Variants in PUDP observed in about 807,000 individuals in gnomAD.
PUDP encodes pseudouridine 5'-phosphatase.
In PUDP, 8 loss-of-function variants were observed where a neutral mutation model predicts 9.4. The observed-to-expected ratio is 0.85, with a 90% confidence interval of 0.50 to 1.53. PUDP has a LOEUF of 1.53. Among genes scored for constraint, PUDP ranks in the 40% most tolerant of loss-of-function variants. The pLI is 0.00. For missense variants in PUDP, 188 were observed against 189.7 expected (o/e 0.99, Z 0.05); for synonymous variants, 99 against 80.7 (o/e 1.23, Z -1.22).
chrX:6,760,202 C>G (rs1925214520), intron 3 of PUDP, among the ~76,000 whole-genome samples: 1 of 111,721 alleles, frequency 9.0e-6, no homozygotes, highest in South Asian at 3.8e-4. Flanking sequence ...TCAGCTGTCC[C>G]TCTTTTCTCA....
intron 3 of PUDP, among the ~76,000 whole-genome samples, chrX:6,790,352 G>A (rs909515439): frequency 4.5e-5 from 5 of 111,943 alleles, no homozygotes; most frequent in Admixed American, 3.8e-4. Flanking sequence ...AACAGTCCAG[G>A]TATCCATCAA....
At chrX:6,970,540 A>G (rs1447420377) in intron 3 of PUDP, among the ~76,000 whole-genome samples, 2 of 111,292 alleles carry the variant, frequency 1.8e-5, no homozygotes, top group African/African-American at 6.5e-5. Context: ...ATTTGGCCAT[A>G]AGCATTGAGC....
intron 1 of PUDP, 143 bp from the exon 2 acceptor site, chrX:7,105,981 T>C: frequency 2.3e-6 from 1 of 432,048 alleles, no homozygotes; most frequent in Non-Finnish European, 3.9e-6. Flanking sequence ...GGAGAAAGGC[T>C]TGCAGGTCAT....
At chrX:7,124,809 G>A (rs753912012) in intron 1 of PUDP, among the ~76,000 whole-genome samples, 7 of 109,531 alleles carry the variant, frequency 6.4e-5, no homozygotes, top group Non-Finnish European at 9.5e-5. Context: ...TTAGCCAGGC[G>A]TGGTGGCGGG....
chrX:7,055,634 A>G (rs762296123), intron 3 of PUDP, among the ~76,000 whole-genome samples: 2 of 111,503 alleles, frequency 1.8e-5, no homozygotes, highest in South Asian at 7.6e-4. Context: ...CACACCTACA[A>G]GAAAAGTACC....
chrX:7,142,884 C>CA (rs1420493900), intron 1 of PUDP, among the ~76,000 whole-genome samples: 1 of 110,972 alleles, frequency 9.0e-6, no homozygotes, highest in Non-Finnish European at 1.9e-5. Flanking sequence ...CTCCTGACCT[C>CA]AAGTGATCTG....
chrX:6,841,718 AGTT>A lies in PUDP; in HGVS notation c.*248-135255_*248-135253del, dbSNP rs1926673744. Reference sequence around the variant, plus strand: ...ATGTGCATAAATGCTTGAAATCCACAGTTAAAGATGACTTGCAGTCTTATCAAC... The same window carrying A: ...ATGTGCATAAATGCTTGAAATCCACAAAAGATGACTTGCAGTCTTATCAAC... On this transcript the variant is annotated intron_variant and NMD_transcript_variant, in intron 3 of 3. Coordinates refer to the PUDP transcript ENST00000655425. Among the ~76,000 whole-genome samples, 3 of 112,571 alleles carry A rather than the reference AGTT, an allele frequency of 2.7e-5. No homozygotes were observed. The Admixed American group carries it at 2.8e-4, about 11-fold the overall frequency.
rs1932212271 is a variant in PUDP, at chrX:7,116,960, G to A, written c.62-11122C>T. The A allele has an allele frequency of 4.3e-6, 5 of 1,164,257 alleles. No homozygotes were observed. In the South Asian group the frequency reaches 5.7e-5, roughly 13 times the overall value. ...TTTGCCATGTTACATGCCTGCTCCT[G>A]CTTACCCGTCCACCGTGATTGTAAG... On this transcript the variant is annotated intron_variant, in intron 1 of 3. Coordinates refer to ENST00000381077, the MANE Select transcript of PUDP (RefSeq NM_012080.5).
intron 3 of PUDP, among the ~76,000 whole-genome samples, chrX:6,911,443 G>A (rs1355519668): frequency 9.0e-6 from 1 of 111,132 alleles, no homozygotes; most frequent in Non-Finnish European, 1.9e-5. Context: ...ATCCGCCCAC[G>A]TCAGCCTTCC....
intron 3 of PUDP, among the ~76,000 whole-genome samples, chrX:6,932,635 G>A (rs1206278914): frequency 4.1e-5 from 3 of 73,733 alleles, no homozygotes; most frequent in South Asian, 5.9e-4. Context: ...CAGTGGGTGC[G>A]CGCACCGTGC....
chrX:6,933,487 A>G (rs1928239894), intron 3 of PUDP, among the ~76,000 whole-genome samples: 2 of 109,994 alleles, frequency 1.8e-5, no homozygotes, highest in Non-Finnish European at 3.8e-5. Flanking sequence ...CCATCTGTAC[A>G]TCACCATCAT....
At chrX:6,802,817 G>A (rs764881834) in intron 3 of PUDP, among the ~76,000 whole-genome samples, 4 of 108,145 alleles carry the variant, frequency 3.7e-5, no homozygotes, top group East Asian at 2.9e-4. Context: ...CCTGGGAGGC[G>A]GAAGTTGCAG....
At chrX:6,757,345 T>A (rs372259731) in intron 3 of PUDP, among the ~76,000 whole-genome samples, 3 of 110,233 alleles carry the variant, frequency 2.7e-5, no homozygotes, top group African/African-American at 3.3e-5. Context: ...GTTAAGGGAA[T>A]CCATAGTGCT....
At chrX:7,054,303 T>C (rs886928304) in intron 3 of PUDP, among the ~76,000 whole-genome samples, 1 of 110,274 alleles carries the variant, frequency 9.1e-6, no homozygotes, top group African/African-American at 3.3e-5. Flanking sequence ...CCAGCTACTC[T>C]GGAAGCTAAG....
At chrX:7,071,845 C>T (rs1930743068) in intron 3 of PUDP, among the ~76,000 whole-genome samples, 1 of 108,790 alleles carries the variant, frequency 9.2e-6, no homozygotes, top group Admixed American at 9.8e-5. Context: ...GGCATGATCT[C>T]GGCTCACTGA....
At chrX:7,033,377 G>A (rs937240082) in intron 1 of PUDP, among the ~76,000 whole-genome samples, 48 of 111,903 alleles carry the variant, frequency 4.3e-4, no homozygotes, top group African/African-American at 1.5e-3. Context: ...AGAGAACCTT[G>A]AGTAATGCAG....
At chrX:6,788,292 C>T (rs772434099) in intron 3 of PUDP, among the ~76,000 whole-genome samples, 4 of 112,248 alleles carry the variant, frequency 3.6e-5, no homozygotes, top group Non-Finnish European at 7.5e-5. Flanking sequence ...AAATGTAAGT[C>T]TTCTGAGCAA....
intron 3 of PUDP, among the ~76,000 whole-genome samples, chrX:6,933,999 C>G (rs1234059607): frequency 2.0e-5 from 2 of 102,378 alleles, no homozygotes; most frequent in Admixed American, 2.2e-4. Context: ...ACCAAATCTA[C>G]GTCTGATTGG....
intron 3 of PUDP, among the ~76,000 whole-genome samples, chrX:6,776,875 T>A (rs762477033): frequency 8.9e-6 from 1 of 112,505 alleles, no homozygotes; most frequent in Non-Finnish European, 1.9e-5. Context: ...TAATACTCCA[T>A]GAATACTCTT....
Sources: gnomAD v4.1 joint callset for allele counts (sites outside exome capture counted in the v4.1 genomes callset) on GRCh38, gnomAD v4.1.1 for gene constraint, MANE v1.5 for transcripts, NCBI Gene and HGNC (gene_info 2026-07-23, HGNC 2026-07-21) for gene names.